Variants in ME1 observed in about 807,000 individuals in gnomAD.
ME1 encodes the protein NADP-dependent malic enzyme.
In ME1, 74 loss-of-function variants were observed where a neutral mutation model predicts 66.4. The observed-to-expected ratio is 1.11, with a 90% CI of 0.92 to 1.35. ME1 has a LOEUF of 1.35. Among genes scored for constraint, ME1 ranks in the 40% most tolerant of loss-of-function variants. The pLI, the probability that ME1 is intolerant of heterozygous loss-of-function variation, is 0.00. For missense variants in ME1, 750 were observed against 694.1 expected (o/e 1.08, Z -0.90); for synonymous variants, 251 against 235.6 (o/e 1.07, Z -0.60).
At chr6:83,233,747 G>C (rs1363877228) in intron 9 of ME1, among the ~76,000 whole-genome samples, 1 of 151,142 alleles carries the variant, frequency 6.6e-6, no homozygotes, top group Admixed American at 6.6e-5. Context: ...TATTATTATT[G>C]GTTCTCAGGA....
chr6:83,240,468 A>G (rs143533461), intron 7 of ME1, among the ~76,000 whole-genome samples: 23 of 152,236 alleles, frequency 1.5e-4, no homozygotes, highest in Non-Finnish European at 2.8e-4. Context: ...AGTTCCAATT[A>G]TATTACTTTA....
intron 1 of ME1, among the ~76,000 whole-genome samples, chr6:83,429,851 TAACTA>T (rs1018839169): frequency 1.1e-4 from 17 of 152,228 alleles, no homozygotes; most frequent in African/African-American, 4.1e-4. Flanking sequence ...ACAACCAAAA[TAACTA>T]AACAAACCTC....
intron 1 of ME1, among the ~76,000 whole-genome samples, chr6:83,424,226 T>A (rs968868238): frequency 6.6e-6 from 1 of 152,068 alleles, no homozygotes; most frequent in African/African-American, 2.4e-5. Context: ...GGTAATGAGA[T>A]CTATATAATG....
At chr6:83,228,965 T>G (rs1790249981) in intron 9 of ME1, 34 bp from the exon 10 acceptor site, 3 of 1,415,650 alleles carry the variant, frequency 2.1e-6, no homozygotes, top group Non-Finnish European at 2.9e-6. Flanking sequence ...ATTAAGAATC[T>G]GCCAAACATG....
At chr6:83,406,150 G>A (rs772528318) in intron 2 of ME1, among the ~76,000 whole-genome samples, 16 of 152,150 alleles carry the variant, frequency 1.1e-4, no homozygotes, top group African/African-American at 2.2e-4. Flanking sequence ...TGCATATGTC[G>A]AACCAGCCTT....
chr6:83,342,419 C>G (rs575171901), intron 5 of ME1, among the ~76,000 whole-genome samples: 26 of 152,294 alleles, frequency 1.7e-4, no homozygotes, highest in African/African-American at 6.0e-4. Flanking sequence ...CCAAAGAAAG[C>G]AATTAATACA....
Position 83,298,931 on chromosome 6 carries a change from GTTTTTTTTTTTT to G in ME1, c.704+16367_704+16378del, listed in dbSNP as rs61055748. ...TGCTGTTCCATTAGTCTATGTGTCT[GTTTTTTTTTTTT>G]TTTTTTTTTTTTTTTTTTTTTTTTT... On this transcript the variant is annotated intron_variant, in intron 6 of 13. Coordinates refer to ENST00000369705, the MANE Select transcript of ME1 (RefSeq NM_002395.6). Among the ~76,000 whole-genome samples, 63 of 22,496 alleles carry G rather than the reference GTTTTTTTTTTTT, an allele frequency of 2.8e-3. 1 individual carries two copies. Among genetic ancestry groups the G allele is most frequent in the African/African-American group, 9.4e-3 (50 of 5,334 alleles). The allele number at this position is 22,496 out of a possible 152,430, so 14.8% of individuals were successfully genotyped here. A position where few individuals can be genotyped will look rare whatever the true frequency, so the allele number is the denominator to read the frequency against.
chr6:83,239,231 G>T (rs1395038364), intron 8 of ME1, among the ~76,000 whole-genome samples: 1 of 151,894 alleles, frequency 6.6e-6, no homozygotes, highest in East Asian at 1.9e-4. Context: ...ATACATAAAA[G>T]CTTGCATATA....
At chr6:83,266,366 A>G (rs11967875) in intron 6 of ME1, among the ~76,000 whole-genome samples, 5,404 of 152,290 alleles carry the variant, frequency 0.035, 328 homozygotes, top group African/African-American at 0.12. Flanking sequence ...CACAAATCCA[A>G]TGTAAAGTAC....
At chr6:83,395,480 C>CT (rs202031901) in intron 3 of ME1, among the ~76,000 whole-genome samples, 1,575 of 141,212 alleles carry the variant, frequency 0.011, 12 homozygotes, top group African/African-American at 0.022. Context: ...TAAATCTTTT[C>CT]TTTTTTTTTT....
At chr6:83,398,140 C>T (rs1223445327) in intron 3 of ME1, among the ~76,000 whole-genome samples, 2 of 152,116 alleles carry the variant, frequency 1.3e-5, no homozygotes, top group Non-Finnish European at 2.9e-5. Flanking sequence ...TAGATTTTAG[C>T]ATACTCACCA....
intron 5 of ME1, among the ~76,000 whole-genome samples, chr6:83,321,116 T>C (rs947304855): frequency 1.3e-5 from 2 of 152,160 alleles, no homozygotes; most frequent in African/African-American, 4.8e-5. Flanking sequence ...GACTATGCAC[T>C]CTGGCTCAGA....
intron 1 of ME1, among the ~76,000 whole-genome samples, chr6:83,410,041 C>T (rs562553050): frequency 3.3e-5 from 5 of 152,076 alleles, no homozygotes; most frequent in Admixed American, 6.6e-5. Context: ...CAGGAGACAT[C>T]CGTGGTATCG....
At chr6:83,312,322 G>C (rs371266044) in intron 6 of ME1, among the ~76,000 whole-genome samples, 1 of 152,248 alleles carries the variant, frequency 6.6e-6, no homozygotes, top group African/African-American at 2.4e-5. Context: ...CCAAGTTCTG[G>C]CTCATAATAG....
intron 6 of ME1, among the ~76,000 whole-genome samples, chr6:83,308,669 G>A (rs1232227197): frequency 1.3e-5 from 2 of 150,246 alleles, no homozygotes; most frequent in African/African-American, 2.5e-5. Flanking sequence ...TATTTATTGA[G>A]TACTTATCAC....
chr6:83,213,505 C>T (rs1789937647), intron 13 of ME1, among the ~76,000 whole-genome samples: 1 of 152,034 alleles, frequency 6.6e-6, no homozygotes, highest in African/African-American at 2.4e-5. Context: ...CAAGGGTTAA[C>T]AGGCTCCTGC....
chr6:83,417,652 T>C (rs928273718), intron 1 of ME1, among the ~76,000 whole-genome samples: 1 of 152,176 alleles, frequency 6.6e-6, no homozygotes, highest in Non-Finnish European at 1.5e-5. Flanking sequence ...GTACTGGGAT[T>C]ACAGGCATGA....
chr6:83,296,267 GA>G (rs911616113), intron 6 of ME1, among the ~76,000 whole-genome samples: 1 of 151,008 alleles, frequency 6.6e-6, no homozygotes, highest in Non-Finnish European at 1.5e-5. Flanking sequence ...CTCAAAAAAA[GA>G]AAAAAAAGAC....
chr6:83,244,652 C>G (rs1790585059), intron 7 of ME1, among the ~76,000 whole-genome samples: 1 of 151,924 alleles, frequency 6.6e-6, no homozygotes, highest in South Asian at 2.1e-4. Context: ...ATGTGTTATT[C>G]TGATAGCAGT....
Sources: gnomAD v4.1 joint callset for allele counts (sites outside exome capture counted in the v4.1 genomes callset) on GRCh38, gnomAD v4.1.1 for gene constraint, MANE v1.5 for transcripts, NCBI Gene and HGNC (gene_info 2026-07-23, HGNC 2026-07-21) for gene names.